Variants in ERC2 observed in about 807,000 individuals in gnomAD.
ERC2 encodes ERC protein 2.
ERC2 carries 42 observed loss-of-function variants against 114.8 expected under a neutral mutation model. That is an observed-to-expected ratio of 0.37 (90% CI 0.29 to 0.47). ERC2 has a LOEUF of 0.47. Among genes scored for constraint, ERC2 ranks in the 20% least tolerant of loss-of-function variants. ERC2 has a pLI of 0.99. For missense variants in ERC2, 939 were observed against 1,150.7 expected, an observed-to-expected ratio of 0.82 and a Z score of 2.66; for synonymous variants, 454 against 425.5, an observed-to-expected ratio of 1.07 and a Z score of -0.82.
chr3:55,552,089 G>A (rs1472433655), intron 17 of ERC2, among the ~76,000 whole-genome samples: 1 of 152,098 alleles, frequency 6.6e-6, no homozygotes, highest in Non-Finnish European at 1.5e-5. Flanking sequence ...GAGCTAGCTC[G>A]GTCCTCAACT....
In ERC2 at chr3:56,035,679, A is replaced by G. The variant is rs1050288501; in HGVS notation, c.1642-16648T>C. On this transcript the variant is annotated intron_variant, in intron 7 of 17. Coordinates refer to ENST00000288221, the MANE Select transcript of ERC2 (RefSeq NM_015576.3). ...AGCCTTCCTCCTCTCTGGAAGATAC[A>G]GCATTCAAGGTGCCATAATGGAGCA... 9.8e-5 allele frequency among the ~76,000 whole-genome samples: 15 copies of G among 152,370 alleles called. No homozygotes were observed. The East Asian group carries it at 2.9e-3, about 29-fold the overall frequency.
intron 17 of ERC2, among the ~76,000 whole-genome samples, chr3:55,636,587 A>G (rs2059966680): frequency 6.6e-6 from 1 of 152,168 alleles, no homozygotes; most frequent in South Asian, 2.1e-4. Context: ...CCAAACTATA[A>G]TACACTAAAT....
At chr3:56,364,797 T>C (rs924061738) in intron 2 of ERC2, among the ~76,000 whole-genome samples, 3 of 152,192 alleles carry the variant, frequency 2.0e-5, no homozygotes, top group African/African-American at 4.8e-5. Flanking sequence ...TAACACATGG[T>C]GGTGGAATGC....
At chr3:56,266,357 C>G (rs988410409) in intron 3 of ERC2, among the ~76,000 whole-genome samples, 1 of 151,938 alleles carries the variant, frequency 6.6e-6, no homozygotes, top group Non-Finnish European at 1.5e-5. Flanking sequence ...GTCTCGATCT[C>G]CTGACCTTTT....
Position 56,420,896 on chromosome 3 carries a change from C to CA in ERC2, c.657+13454dup, listed in dbSNP as rs747377493. Among the ~76,000 whole-genome samples the CA allele has an allele frequency of 8.0e-3, 874 of 109,084 alleles. 1 individual carries two copies. The highest frequency in any genetic ancestry group is 0.021 in the Middle Eastern group (4 of 188). 71.6% of individuals were successfully genotyped at this position (109,084 alleles called of 152,430 possible). A position where few individuals can be genotyped will look rare whatever the true frequency, so the allele number is the denominator to read the frequency against. On this transcript the variant is annotated intron_variant, in intron 2 of 17. Coordinates refer to ENST00000288221, the MANE Select transcript of ERC2 (RefSeq NM_015576.3). Reference sequence around the variant, plus strand: ...TGGGCGACAGAGCAAGACTCCGTCTCAAAAAAAAAAAAAGAAAGAAAGAAA... The same window carrying CA: ...TGGGCGACAGAGCAAGACTCCGTCTCAAAAAAAAAAAAAAGAAAGAAAGAAA...
At chr3:56,305,512 CCACACACACACACACACACA>C (rs58751787) in intron 2 of ERC2, among the ~76,000 whole-genome samples, 2 of 144,440 alleles carry the variant, frequency 1.4e-5, no homozygotes, top group African/African-American at 2.6e-5. Flanking sequence ...ACTCTCTTAT[CCACACACACACACACACACA>C]CACACACACA....
intron 14 of ERC2, among the ~76,000 whole-genome samples, chr3:55,745,349 G>A (rs189956177): frequency 1.3e-5 from 2 of 152,250 alleles, no homozygotes; most frequent in East Asian, 1.9e-4. Flanking sequence ...TCTGAAAGGC[G>A]ACTTTTAAAA....
At chr3:56,111,036 C>A (rs1289088416) in intron 6 of ERC2, among the ~76,000 whole-genome samples, 1 of 152,036 alleles carries the variant, frequency 6.6e-6, no homozygotes, top group African/African-American at 2.4e-5. Flanking sequence ...GACAGTGGCT[C>A]AAGGACTCTA....
At chr3:55,601,921 T>G (rs2058424728) in intron 17 of ERC2, among the ~76,000 whole-genome samples, 1 of 152,144 alleles carries the variant, frequency 6.6e-6, no homozygotes, top group Non-Finnish European at 1.5e-5. Context: ...GTACTCCACT[T>G]CCTTTTTAAT....
intron 14 of ERC2, among the ~76,000 whole-genome samples, chr3:55,758,216 C>A (rs2067183892): frequency 6.6e-6 from 1 of 152,116 alleles, no homozygotes. Context: ...ATCTTTTGTG[C>A]AAAAAGCTGT....
At chr3:56,075,321 G>T (rs1365862988) in intron 7 of ERC2, among the ~76,000 whole-genome samples, 1 of 152,162 alleles carries the variant, frequency 6.6e-6, no homozygotes, top group Admixed American at 6.5e-5. Context: ...GCAGAGGAAA[G>T]AGGGTGAGGG....
intron 5 of ERC2, among the ~76,000 whole-genome samples, chr3:56,142,835 A>G (rs539514123): frequency 2.0e-5 from 3 of 147,746 alleles, no homozygotes; most frequent in Non-Finnish European, 4.5e-5. Context: ...ACTGTGTACT[A>G]GTTTTTTTTT....
In ERC2 at chr3:55,731,128, G is replaced by T. The variant is rs553378237; in HGVS notation, c.2712+3643C>A. On this transcript the variant is annotated intron_variant, in intron 15 of 17. Coordinates refer to ENST00000288221, the MANE Select transcript of ERC2 (RefSeq NM_015576.3). ...GGCGCTATGGGCCTCTTCAGTGCAG[G>T]CTGGGACCTGGGGTCCAGGGTTTCT... 2.6e-5 allele frequency among the ~76,000 whole-genome samples: 4 copies of T among 152,340 alleles called. No individual in the cohort carries two copies. The South Asian group carries it at 6.2e-4, about 24-fold the overall frequency.
rs113734089 is a variant in ERC2, at chr3:56,274,292, T to C, written c.1074+21727A>G. On this transcript the variant is annotated intron_variant, in intron 3 of 17. Transcript: ENST00000288221. ...GATCTGGGGTGAAACAGCTTCATCT[T>C]GAAACCATCCCCTGCCCAGCCCTGT... Among the ~76,000 whole-genome samples, 310 of 152,300 alleles carry C rather than the reference T, an allele frequency of 2.0e-3. 1 individual carries two copies. Among genetic ancestry groups the C allele is most frequent in the African/African-American group, 7.0e-3 (289 of 41,576 alleles).
intron 2 of ERC2, among the ~76,000 whole-genome samples, chr3:56,362,859 T>C (rs1216404543): frequency 6.6e-6 from 1 of 152,236 alleles, no homozygotes; most frequent in Non-Finnish European, 1.5e-5. Flanking sequence ...TTGTAGTGTC[T>C]TTCTTGCATT....
intron 7 of ERC2, among the ~76,000 whole-genome samples, chr3:56,076,222 T>G (rs2076969606): frequency 6.6e-6 from 1 of 152,166 alleles, no homozygotes; most frequent in African/African-American, 2.4e-5. Context: ...AAATTCACAT[T>G]GTTTATGGGA....
intron 17 of ERC2, among the ~76,000 whole-genome samples, chr3:55,561,925 C>G (rs2107482337): frequency 6.6e-6 from 1 of 152,270 alleles, no homozygotes; most frequent in South Asian, 2.1e-4. Context: ...AAGTGGCTAT[C>G]TCTTTGTGGA....
chr3:55,690,412 C>T (rs953173300), intron 16 of ERC2, among the ~76,000 whole-genome samples: 1 of 152,202 alleles, frequency 6.6e-6, no homozygotes, highest in Non-Finnish European at 1.5e-5. Flanking sequence ...CACCCCCTCT[C>T]AATGGGGGAG....
At chr3:55,562,188 G>A (rs1468511971) in intron 17 of ERC2, among the ~76,000 whole-genome samples, 1 of 149,530 alleles carries the variant, frequency 6.7e-6, no homozygotes, top group African/African-American at 2.5e-5. Context: ...TTTTGCTCTC[G>A]TTTCCCAGGC....
Sources: allele counts gnomAD v4.1 joint callset (sites outside exome capture counted in the v4.1 genomes callset), GRCh38; gene constraint gnomAD v4.1.1; transcripts MANE v1.5; gene names NCBI Gene and HGNC (gene_info 2026-07-23, HGNC 2026-07-21).